The following SCML1 variants were observed in gnomAD, a reference collection of about 807,000 sequenced individuals.
The protein encoded by SCML1 is sex comb on midleg-like protein 1.
For missense variants in SCML1, 137 were observed against 258.1 expected (o/e 0.53, Z 3.22); for synonymous variants, 104 against 103.6 (o/e 1.00, Z -0.02).
At chrX:17,744,277 C>G in intron 2 of SCML1, 58 bp downstream of exon 2, 1 of 968,393 alleles carries the variant, frequency 1.0e-6, no homozygotes, top group East Asian at 3.1e-5. Context: ...TACTTCTACT[C>G]TAAATTTAGT....
rs2066715517 is a variant in SCML1 at position 17,752,116 on chromosome X, C to A, written c.855+150C>A. On this transcript the variant is annotated intron_variant, in intron 7 of 7. Transcript: ENST00000380041. ...AAAGCTTATTTTGCCCAAGGTTAGC[C>A]TTAAATGGTAGGCTAATGGTCTGTT... 5.0e-6 allele frequency: 3 copies of A among 597,070 alleles called. No homozygotes were observed. The Admixed American group carries it at 9.2e-5, about 18-fold the overall frequency. The allele number at this position is 597,070 out of a possible 1,213,427, so 49.2% of individuals were successfully genotyped here.
chrX:17,749,127 A>G (rs993334116), intron 4 of SCML1, among the ~76,000 whole-genome samples: 22 of 112,108 alleles, frequency 2.0e-4, no homozygotes, highest in African/African-American at 6.8e-4. Flanking sequence ...GCATAGAGGC[A>G]TTGTGGGACA....
rs2066711159 is a variant in SCML1, at chrX:17,751,855, A to G, written c.744A>G (p.Glu248=). 5.8e-6 allele frequency: 7 copies of G among 1,209,484 alleles called. No homozygotes were observed. The highest frequency in any genetic ancestry group is 3.5e-5 in the African/African-American group (2 of 57,187). The change falls in exon 7 of 8, where the codon GAA becomes GAG. Residue 248 remains glutamate (E), a synonymous_variant. Transcript: ENST00000380041. ...TTGAAAATGACGGTTACATAGAGGA[A>G]GGAAGCATCACTAAGCACCCTTCAA... is the stretch of plus-strand genomic sequence containing the variant. The part of the protein sequence containing the change: ...SPVENDGYIE[E]GSITKHPSTW...
In SCML1 at chrX:17,753,380, C is replaced by T. The variant is rs1464442369; in HGVS notation, c.978C>T (p.Cys326=). ...YYIDRLKQGK[C]FEN ...TTGACCGACTTAAACAAGGAAAATG[C>T]TTTGAAAATTGAAAAAATCCTTGTG... Residue 326 remains cysteine (C), a synonymous_variant, in exon 8 of 8, where the codon TGC becomes TGT. Coordinates refer to ENST00000380041, the MANE Select transcript of SCML1 (RefSeq NM_001037540.3). 18 of 1,126,871 alleles carry T rather than the reference C, an allele frequency of 1.6e-5. No homozygotes were observed. Among genetic ancestry groups the T allele is most frequent in the Non-Finnish European group, 2.1e-5 (18 of 849,699 alleles). The allele number at this position is 1,126,871 out of a possible 1,213,427, so 92.9% of individuals were successfully genotyped here. A position where few individuals can be genotyped will look rare whatever the true frequency, so the allele number is the denominator to read the frequency against.
Position 17,742,132 on chromosome X carries a change from GT to G in SCML1, c.-116-1931del, listed in dbSNP as rs753052979. 9.1e-3 allele frequency among the ~76,000 whole-genome samples: 1,012 copies of G among 111,271 alleles called. 13 individuals carry two copies. The highest frequency in any genetic ancestry group is 0.032 in the African/African-American group (969 of 30,555). On this transcript the variant is annotated intron_variant, in intron 1 of 7. Transcript: ENST00000380041. ...ATGTTATAAAAACTGGACCCAGAGA[GT>G]TTTTTTTATAAATTCAACCCTTTGA...
chrX:17,743,528 C>T (rs1173304076), intron 1 of SCML1, among the ~76,000 whole-genome samples: 3 of 112,048 alleles, frequency 2.7e-5, no homozygotes, highest in Admixed American at 1.9e-4. Context: ...CCTTTCACAT[C>T]CACTTATTTA....
intron 3 of SCML1, 34 bp downstream of exon 3, chrX:17,745,573 A>G: frequency 1.2e-6 from 1 of 836,690 alleles, no homozygotes; most frequent in Non-Finnish European, 1.8e-6. Context: ...ATATATTAAC[A>G]TTTGCTGTTT....
At chrX:17,745,625 C>T (rs780236488) in intron 3 of SCML1, 86 bp downstream of exon 3, 3 of 491,651 alleles carry the variant, frequency 6.1e-6, no homozygotes, top group African/African-American at 4.9e-5. Flanking sequence ...ATGGAGTTCC[C>T]GTAAACTCAC....
chrX:17,744,353 T>C (rs1473549871), intron 2 of SCML1, 134 bp downstream of exon 2: 4 of 422,584 alleles, frequency 9.5e-6, no homozygotes, highest in Non-Finnish European at 1.6e-5. Flanking sequence ...AACAGTAATA[T>C]ATAAAGCTCT....
chrX:17,749,101 C>G (rs1016098331), intron 4 of SCML1, among the ~76,000 whole-genome samples: 3 of 112,241 alleles, frequency 2.7e-5, no homozygotes, highest in Non-Finnish European at 5.6e-5. Context: ...GCAGTGTCTT[C>G]ATCATCAATG....
In SCML1 at chrX:17,753,805, A is replaced by C. The variant is rs2066737962; in HGVS notation, c.*413A>C. On this transcript the variant is annotated 3_prime_UTR_variant, in exon 8 of 8. Coordinates refer to ENST00000380041, the MANE Select transcript of SCML1 (RefSeq NM_001037540.3). The stretch of plus-strand genomic sequence containing the variant: ...TATGGGAATTATTCCTCAGAAGAGA[A>C]TTTAAAGGTGTACCCATATATATCT... The C allele has an allele frequency of 8.9e-6, 1 of 111,800 alleles. No individual in the cohort carries two copies. Among genetic ancestry groups the C allele is most frequent in the Non-Finnish European group, 1.9e-5 (1 of 53,200 alleles). The allele number at this position is 111,800 out of a possible 1,213,427, so 9.2% of individuals were successfully genotyped here. A position where few individuals can be genotyped will look rare whatever the true frequency, so the allele number is the denominator to read the frequency against.
chrX:17,742,140 T>A (rs1011367443), intron 1 of SCML1, among the ~76,000 whole-genome samples: 13 of 111,789 alleles, frequency 1.2e-4, no homozygotes, highest in South Asian at 3.7e-4. Flanking sequence ...GAGTTTTTTT[T>A]ATAAATTCAA....
intron 2 of SCML1, 87 bp from the exon 3 acceptor site, chrX:17,745,369 C>A: frequency 3.7e-6 from 2 of 538,684 alleles, no homozygotes; most frequent in Non-Finnish European, 6.4e-6. Flanking sequence ...TTTGTAACAG[C>A]CTCTTGAAAG....
At position 17,751,906 on chromosome X, in the gene SCML1, A is replaced by G. The variant is rs772366474; in HGVS notation, c.795A>G (p.Leu265=). The change falls in exon 7 of 8, where the codon CTA becomes CTG. Residue 265 remains leucine, a synonymous_variant. Transcript: ENST00000380041. ...CCTGGTCGGTGGAAGCAGTGGTCCT[A>G]TTTCTAAAACAAACAGATCCTCTTG... is the stretch of plus-strand genomic sequence containing the variant. The part of the protein sequence containing the change: ...PSTWSVEAVV[L]FLKQTDPLAL... 9.1e-6 allele frequency: 11 copies of G among 1,211,190 alleles called. No individual in the cohort carries two copies. The highest frequency in any genetic ancestry group is 1.2e-5 in the Non-Finnish European group (11 of 895,011).
At chrX:17,747,567 C>T (rs1202818656) in intron 4 of SCML1, among the ~76,000 whole-genome samples, 5 of 111,666 alleles carry the variant, frequency 4.5e-5, no homozygotes, top group East Asian at 2.8e-4. Flanking sequence ...CCTCACCTGG[C>T]GAGGGCCTTC....
chrX:17,751,374 A>G (rs1601880403), intron 6 of SCML1, among the ~76,000 whole-genome samples: 2 of 112,481 alleles, frequency 1.8e-5, no homozygotes, highest in East Asian at 2.8e-4. Context: ...GAGAATTTCC[A>G]TTATATTTTG....
chrX:17,747,291 T>C (rs1369322545), intron 4 of SCML1, among the ~76,000 whole-genome samples: 3 of 111,370 alleles, frequency 2.7e-5, no homozygotes, highest in African/African-American at 9.8e-5. Context: ...AACTCAGAGC[T>C]GCCCCCCATC....
intron 7 of SCML1, 68 bp from the exon 8 acceptor site, chrX:17,753,190 A>C: frequency 1.1e-6 from 1 of 951,801 alleles, no homozygotes; most frequent in South Asian, 3.5e-5. Flanking sequence ...TGTTCTCATA[A>C]AGAACTAACC....
At chrX:17,752,217 T>C (rs1004671331) in intron 7 of SCML1, among the ~76,000 whole-genome samples, 20 of 111,921 alleles carry the variant, frequency 1.8e-4, no homozygotes, top group African/African-American at 6.5e-4. Context: ...GCATGGCCAC[T>C]CAGGTGTACC....
Sources: gnomAD v4.1 joint callset for allele counts (sites outside exome capture counted in the v4.1 genomes callset) on GRCh38, gnomAD v4.1.1 for gene constraint, MANE v1.5 for transcripts, NCBI Gene and HGNC (gene_info 2026-07-23, HGNC 2026-07-21) for gene names.